Variants in MAST3 observed in about 807,000 individuals in gnomAD.
MAST3 encodes microtubule-associated serine/threonine-protein kinase 3.
In MAST3, 43 loss-of-function variants were observed where a neutral mutation model predicts 127.0. That is an observed-to-expected ratio of 0.34 (90% CI 0.27 to 0.44). MAST3 has a LOEUF of 0.44. Among genes scored for constraint, MAST3 ranks in the 20% least tolerant of loss-of-function variants. The pLI is 1.00. For missense variants in MAST3, 1,390 were observed against 1,919.1 expected, an observed-to-expected ratio of 0.72 and a Z score of 5.15; for synonymous variants, 785 against 809.2, an observed-to-expected ratio of 0.97 and a Z score of 0.51.
intron 20 of MAST3, among the ~76,000 whole-genome samples, chr19:18,140,663 G>A (rs2042375048): frequency 1.3e-5 from 2 of 152,316 alleles, no homozygotes; most frequent in South Asian, 2.1e-4. Flanking sequence ...GTGTGGACCA[G>A]TGCTTGCTTC....
chr19:18,116,680 C>G (rs1224461956), intron 3 of MAST3, among the ~76,000 whole-genome samples: 2 of 131,508 alleles, frequency 1.5e-5, no homozygotes, highest in African/African-American at 2.8e-5. Context: ...GAGGCCAAGG[C>G]GGGAGGATCA....
chr19:18,123,320 TTGA>T lies in MAST3; in HGVS notation c.507_509del (p.Asp169del). ...CACTTCCGCAGCTCAGAGAATGTGC[TTGA>T]TGAGGAAGGCGGCCGGTCACCCCGC... On this transcript the variant is annotated inframe_deletion, in exon 7 of 28. Transcript: ENST00000687212. 3 of 1,613,750 alleles carry T rather than the reference TTGA, an allele frequency of 1.9e-6. No homozygotes were observed. The highest frequency in any genetic ancestry group is 2.5e-6 in the Non-Finnish European group (3 of 1,179,882).
chr19:18,117,976 C>A (rs902488540), intron 3 of MAST3: 1 of 330,296 alleles, frequency 3.0e-6, no homozygotes, highest in Non-Finnish European at 4.3e-6. Context: ...AACGGCCCCG[C>A]CCCCGCACTC....
rs774842710 is a variant in MAST3 at position 18,143,953 on chromosome 19, C to A, written c.2530C>A (p.Pro844Thr). 1.9e-6 allele frequency: 3 copies of A among 1,605,300 alleles called. No homozygotes were observed. The highest frequency in any genetic ancestry group is 2.6e-6 in the Non-Finnish European group (3 of 1,176,080). The change falls in exon 22 of 28, where the codon CCT becomes ACT. Residue 844 changes from proline to threonine, a missense_variant. Pro to Thr is a conservative substitution (Grantham distance 38, BLOSUM62 -1). Coordinates refer to ENST00000687212, the MANE Select transcript of MAST3 (RefSeq NM_001393504.1). The stretch of plus-strand genomic sequence containing the variant: ...GAGGCCCGTCTTCATTCTAGGGGAG[C>A]CTGACCCCCCACCAGCGGCCACCCC... Reference protein sequence around the residue: ...PKRPVFILGEPDPPPAATPVM... With the variant: ...PKRPVFILGETDPPPAATPVM...
rs1044222557 is a variant in MAST3, at chr19:18,143,710, A to T, written c.2340-53A>T. The T allele has an allele frequency of 6.2e-6, 10 of 1,605,860 alleles. No individual in the cohort carries two copies. In the East Asian group the frequency reaches 2.2e-4, roughly 36 times the overall value. On this transcript the variant is annotated intron_variant, in intron 21 of 27. Coordinates refer to ENST00000687212, the MANE Select transcript of MAST3 (RefSeq NM_001393504.1). The stretch of plus-strand genomic sequence containing the variant: ...GATGTGGCCATGAAGGTGGCTGAGT[A>T]TCCTGGGGTGCAGGTGCCTGGCAGG...
chr19:18,142,347 CTTTTTTTTTTT>C (rs776007010), intron 21 of MAST3, among the ~76,000 whole-genome samples: 1 of 122,200 alleles, frequency 8.2e-6, no homozygotes, highest in Non-Finnish European at 1.7e-5. Flanking sequence ...GGAAGCTGGC[CTTTTTTTTTTT>C]TTTTTTTTTT....
Position 18,145,690 on chromosome 19 carries a change from TC to T in MAST3, c.3040-49del. Reference sequence around the variant, plus strand: ...ACAGCAGACCCAGCCTGGGCTGGGGTCCCCAGATGTGGGGCCCAGGCCATTG... The same window carrying T: ...ACAGCAGACCCAGCCTGGGCTGGGGTCCCAGATGTGGGGCCCAGGCCATTG... On this transcript the variant is annotated intron_variant, in intron 24 of 27. Coordinates refer to ENST00000687212, the MANE Select transcript of MAST3 (RefSeq NM_001393504.1). The surrounding 1 kb of genome is among the most constrained non-coding windows in gnomAD (Gnocchi z 5.9). 1 of 1,502,282 alleles carries T rather than the reference TC, an allele frequency of 6.7e-7. No homozygotes were observed. The highest frequency in any genetic ancestry group is 1.3e-5 in the South Asian group (1 of 74,744). The allele number at this position is 1,502,282 out of a possible 1,614,324, so 93.1% of individuals were successfully genotyped here. A position where few individuals can be genotyped will look rare whatever the true frequency, so the allele number is the denominator to read the frequency against.
chr19:18,134,432 C>G (rs2041678305), intron 15 of MAST3, 147 bp from the exon 16 acceptor site: 3 of 1,145,764 alleles, frequency 2.6e-6, no homozygotes, highest in Non-Finnish European at 3.6e-6. Context: ...GTTCCAGCTA[C>G]TTGGGAGGCT....
At chr19:18,101,378 C>T (rs1328788880) in intron 1 of MAST3, among the ~76,000 whole-genome samples, 1 of 151,028 alleles carries the variant, frequency 6.6e-6, no homozygotes, top group Non-Finnish European at 1.5e-5. Flanking sequence ...TCTCCTCCTC[C>T]TCCTCCTCCT....
Position 18,110,230 on chromosome 19 carries a change from C to T in MAST3, c.72-422C>T, listed in dbSNP as rs1049104303. 1.5e-5 allele frequency: 15 copies of T among 985,488 alleles called. No homozygotes were observed. The South Asian group carries it at 6.6e-4, about 43-fold the overall frequency. The allele number at this position is 985,488 out of a possible 1,614,324, so 61.0% of individuals were successfully genotyped here. On this transcript the variant is annotated intron_variant, in intron 2 of 27. Coordinates refer to ENST00000687212, the MANE Select transcript of MAST3 (RefSeq NM_001393504.1). The surrounding 1 kb of genome is among the most constrained non-coding windows in gnomAD (Gnocchi z 4.3). The stretch of plus-strand genomic sequence containing the variant: ...CTGTCCCTGCGTCCGTGTGTCCGTC[C>T]GTCGGTCCGCTCGCGCCACGATCAG...
chr19:18,143,978 C>T lies in MAST3; in HGVS notation c.2555C>T (p.Pro852Leu), dbSNP rs753895530. The change falls in exon 22 of 28, where the codon CCA becomes CTA. Residue 852 changes from proline (P) to leucine (L), a missense_variant. By Grantham distance (98) the Pro-to-Leu change is moderately conservative. Coordinates refer to ENST00000687212, the MANE Select transcript of MAST3 (RefSeq NM_001393504.1). Reference sequence around the variant, plus strand: ...CCTGACCCCCCACCAGCGGCCACCCCAGTGATGCCCAAGCCCTCGAGCCTT... The same window carrying T: ...CCTGACCCCCCACCAGCGGCCACCCTAGTGATGCCCAAGCCCTCGAGCCTT... ...GEPDPPPAAT[P>L]VMPKPSSLSA... 20 of 1,584,176 alleles carry T rather than the reference C, an allele frequency of 1.3e-5. No homozygotes were observed. The African/African-American group carries it at 2.7e-4, about 21-fold the overall frequency.
At chr19:18,106,663 C>G (rs1372342935) in intron 1 of MAST3, among the ~76,000 whole-genome samples, 1 of 151,740 alleles carries the variant, frequency 6.6e-6, no homozygotes, top group Non-Finnish European at 1.5e-5. Flanking sequence ...CCTCCGCCTC[C>G]CGGGTTCAAG....
At position 18,145,922 on chromosome 19, in the gene MAST3, C is replaced by T; in HGVS notation, c.3162+57C>T. 1 of 1,512,572 alleles carries T rather than the reference C, an allele frequency of 6.6e-7. No homozygotes were observed. Among genetic ancestry groups the T allele is most frequent in the Non-Finnish European group, 8.8e-7 (1 of 1,138,890 alleles). The allele number at this position is 1,512,572 out of a possible 1,614,324, so 93.7% of individuals were successfully genotyped here. ...TCCCCAGCACCCCTTGGCCGCAGCT[C>T]CCGGTTCCCCGTGGTTCTCCGCGTC... On this transcript the variant is annotated intron_variant, in intron 25 of 27. Coordinates refer to ENST00000687212, the MANE Select transcript of MAST3 (RefSeq NM_001393504.1). The surrounding 1 kb of genome is among the most constrained non-coding windows in gnomAD (Gnocchi z 5.9).
intron 3 of MAST3, among the ~76,000 whole-genome samples, chr19:18,113,527 C>T (rs546121150): frequency 6.6e-6 from 1 of 152,246 alleles, no homozygotes; most frequent in East Asian, 1.9e-4. Context: ...GTGGCACGAT[C>T]TTGGCTCACT....
At chr19:18,107,296 CG>C (rs1028870758) in intron 1 of MAST3, among the ~76,000 whole-genome samples, 37 of 152,010 alleles carry the variant, frequency 2.4e-4, no homozygotes, top group African/African-American at 8.7e-4. Flanking sequence ...TGGTAGGAGC[CG>C]GGTGGGGAAT....
At position 18,130,633 on chromosome 19, in the gene MAST3, T is replaced by A; in HGVS notation, c.1363T>A (p.Phe455Ile). The change falls in exon 14 of 28, where the codon TTT (phenylalanine) becomes ATT (isoleucine). Residue 455 changes from phenylalanine to isoleucine, a missense_variant. By Grantham distance (21) the Phe-to-Ile change is conservative. Transcript: ENST00000687212. ...CATTCTCACCTTTGCCGAGAACCCC[T>A]TTGTGGTCAGCATGTTCTGCTCCTT... is the stretch of plus-strand genomic sequence containing the variant. ...RDILTFAENP[F>I]VVSMFCSFET... is the part of the protein sequence containing the mutation. 6.2e-7 allele frequency: 1 copy of A among 1,614,102 alleles called. No homozygotes were observed. Among genetic ancestry groups the A allele is most frequent in the Non-Finnish European group, 8.5e-7 (1 of 1,180,002 alleles).
rs891181870 is a variant in MAST3, at chr19:18,099,449, CG to C, written c.39+1621del. ...CCTCTTAAAATAGAGAAACCGCCTC[CG>C]GGTAGGCGAATGGGGGTGCTGCTGA... On this transcript the variant is annotated intron_variant, in intron 1 of 27. Transcript: ENST00000687212. Among the ~76,000 whole-genome samples the C allele has an allele frequency of 8.2e-5, 12 of 145,572 alleles. No individual in the cohort carries two copies. The Admixed American group carries it at 8.4e-4, about 10-fold the overall frequency.
intron 1 of MAST3, among the ~76,000 whole-genome samples, chr19:18,104,218 A>T (rs2037878946): frequency 8.8e-6 from 1 of 113,292 alleles, no homozygotes; most frequent in Admixed American, 9.8e-5. Context: ...AAAAAAAAAA[A>T]ATTCCCACAA....
intron 27 of MAST3, 24 bp downstream of exon 27, chr19:18,147,648 C>T (rs1485972960): frequency 8.1e-6 from 12 of 1,485,840 alleles, no homozygotes; most frequent in South Asian, 2.6e-5. Context: ...GACCCCCCAC[C>T]ACCCCGGCTA....
Sources: allele counts gnomAD v4.1 joint callset (sites outside exome capture counted in the v4.1 genomes callset), GRCh38; gene constraint gnomAD v4.1.1; non-coding constraint Gnocchi (gnomAD v3.1); transcripts MANE v1.5; gene names NCBI Gene and HGNC (gene_info 2026-07-23, HGNC 2026-07-21).